Variants in DIAPH1 observed in about 807,000 individuals in gnomAD.
DIAPH1 encodes protein diaphanous homolog 1.
DIAPH1 carries 46 observed loss-of-function variants against 140.7 expected under a neutral mutation model. The ratio of observed to expected loss-of-function variants is 0.33; its 90% CI spans 0.26 to 0.42. The LOEUF (loss-of-function observed/expected upper bound fraction) is 0.42. Among genes scored for constraint, DIAPH1 ranks in the 10% least tolerant of loss-of-function variants. The pLI, the probability that DIAPH1 is intolerant of heterozygous loss-of-function variation, is 1.00. For synonymous variants in DIAPH1, 565 were observed against 551.6 expected (o/e 1.02, Z -0.34); for missense variants, 1,310 against 1,558.7 (o/e 0.84, Z 2.69).
chr5:141,543,593 A>G (rs1395655204), intron 18 of DIAPH1, among the ~76,000 whole-genome samples: 2 of 152,238 alleles, frequency 1.3e-5, no homozygotes, highest in Non-Finnish European at 2.9e-5. Flanking sequence ...TCAACATTAT[A>G]AAACTGGCTT....
chr5:141,547,550 G>A (rs1479767029), intron 18 of DIAPH1, among the ~76,000 whole-genome samples: 1 of 152,062 alleles, frequency 6.6e-6, no homozygotes, highest in East Asian at 1.9e-4. Context: ...AAGCTCAACA[G>A]ATGGGTTTAA....
chr5:141,538,972 A>G (rs1432034231), intron 18 of DIAPH1, among the ~76,000 whole-genome samples: 3 of 152,096 alleles, frequency 2.0e-5, no homozygotes, highest in Non-Finnish European at 4.4e-5. Flanking sequence ...GGGTAATACT[A>G]GCCTCATAAA....
At chr5:141,602,945 C>A (rs1158296990) in intron 1 of DIAPH1, among the ~76,000 whole-genome samples, 6 of 152,106 alleles carry the variant, frequency 3.9e-5, no homozygotes, top group Non-Finnish European at 8.8e-5. Flanking sequence ...GCAGCCTACA[C>A]AGGCGTTGTG....
chr5:141,540,438 C>T lies in DIAPH1; in HGVS notation c.2483-6005G>A, dbSNP rs528792764. On this transcript the variant is annotated intron_variant, in intron 18 of 27. Coordinates refer to ENST00000389054, the MANE Select transcript of DIAPH1 (RefSeq NM_005219.5). Reference sequence around the variant, plus strand: ...GCTGGGACTACAGGCGCCTGCCACACGCCCAGCTAATTTTTATAGTTTTAG... The same window carrying T: ...GCTGGGACTACAGGCGCCTGCCACATGCCCAGCTAATTTTTATAGTTTTAG... 2.3e-3 allele frequency among the ~76,000 whole-genome samples: 353 copies of T among 152,120 alleles called. 1 individual carries two copies. The highest frequency in any genetic ancestry group is 4.1e-3 in the Non-Finnish European group (281 of 67,996).
chr5:141,614,801 C>T (rs560015258), intron 1 of DIAPH1, among the ~76,000 whole-genome samples: 7 of 128,548 alleles, frequency 5.4e-5, no homozygotes, highest in South Asian at 2.6e-4. Context: ...ATAATCCTTG[C>T]GTTCATCATC....
intron 18 of DIAPH1, among the ~76,000 whole-genome samples, chr5:141,567,266 A>C (rs2099894518): frequency 1.3e-5 from 2 of 152,200 alleles, no homozygotes; most frequent in Admixed American, 6.5e-5. Context: ...GGGGCAGTTT[A>C]GGTTCCTTTT....
At position 141,515,893 on chromosome 5, in the gene DIAPH1, G is replaced by A. The variant is rs567352922; in HGVS notation, c.*958C>T. On this transcript the variant is annotated 3_prime_UTR_variant, in exon 28 of 28. Coordinates refer to ENST00000389054, the MANE Select transcript of DIAPH1 (RefSeq NM_005219.5). ...TTCTTACATTATGGAGGGGAAAGGG[G>A]GAAGGAACAGTTTTCTTTAAAAAAA... 2 of 152,460 alleles carry A rather than the reference G, an allele frequency of 1.3e-5. No individual in the cohort carries two copies. The highest frequency in any genetic ancestry group is 1.3e-4 in the Admixed American group (2 of 15,288). 9.4% of individuals were successfully genotyped at this position (152,460 alleles called of 1,614,324 possible).
chr5:141,518,529 CTTTTT>C (rs35159859), intron 27 of DIAPH1: 12 of 138,358 alleles, frequency 8.7e-5, no homozygotes, highest in Admixed American at 2.1e-4. Context: ...GATAGCCCGT[CTTTTT>C]TTTTTTTTTT....
chr5:141,581,285 C>T (rs2099896721), intron 7 of DIAPH1, among the ~76,000 whole-genome samples: 1 of 152,152 alleles, frequency 6.6e-6, no homozygotes, highest in Admixed American at 6.5e-5. Context: ...TTACCATATA[C>T]AGCTTCAGAA....
At chr5:141,576,985 T>G in intron 12 of DIAPH1, 114 bp from the exon 13 acceptor site, 1 of 733,466 alleles carries the variant, frequency 1.4e-6, no homozygotes, top group South Asian at 1.5e-5. Context: ...GGAAAAACTT[T>G]TGTAAAGTTA....
Position 141,533,627 on chromosome 5 carries a change from A to G in DIAPH1, c.2581+708T>C, listed in dbSNP as rs909253406. ...ATTGTGAGGCTGAGGTGGGCAGATC[A>G]CTTGAGGCCAGGAGCTTAAGACCAG... On this transcript the variant is annotated intron_variant, in intron 19 of 27. Transcript: ENST00000389054. Among the ~76,000 whole-genome samples the G allele has an allele frequency of 3.3e-5, 5 of 152,304 alleles. No homozygotes were observed. In the South Asian group the frequency reaches 1.0e-3, roughly 32 times the overall value.
At chr5:141,531,639 C>T (rs1352459254) in intron 19 of DIAPH1, among the ~76,000 whole-genome samples, 1 of 152,128 alleles carries the variant, frequency 6.6e-6, no homozygotes, top group African/African-American at 2.4e-5. Flanking sequence ...AGGCGTGCTC[C>T]ACCATGCCCA....
Position 141,578,607 on chromosome 5 carries a change from T to C in DIAPH1, c.952A>G (p.Ile318Val), listed in dbSNP as rs776485917. ...TCCGCTGGTGTGATGAGAGCATTGA[T>C]CAGCTGTAGGCATCCAACCTAAAAT... ...IALKVGCLQLINALITPAEEL... is the reference protein window; with the variant it reads ...IALKVGCLQLVNALITPAEEL... Residue 318 changes from isoleucine (I) to valine (V), a missense_variant, in exon 10 of 28, where the codon ATC becomes GTC. Coordinates refer to ENST00000389054, the MANE Select transcript of DIAPH1 (RefSeq NM_005219.5). 1 of 1,613,168 alleles carries C rather than the reference T, an allele frequency of 6.2e-7. No individual in the cohort carries two copies. Among genetic ancestry groups the C allele is most frequent in the African/African-American group, 1.3e-5 (1 of 74,908 alleles).
intron 18 of DIAPH1, among the ~76,000 whole-genome samples, chr5:141,548,904 G>A (rs945405121): frequency 5.3e-5 from 8 of 152,134 alleles, no homozygotes; most frequent in Non-Finnish European, 8.8e-5. Context: ...AGTCAAGTAT[G>A]TATATTGTAA....
rs200242814 is a variant in DIAPH1, at chr5:141,592,487, T to TAACAAC, written c.118-4243_118-4238dup. Among the ~76,000 whole-genome samples, 417 of 144,104 alleles carry TAACAAC rather than the reference T, an allele frequency of 2.9e-3. 1 individual carries two copies. Among genetic ancestry groups the TAACAAC allele is most frequent in the African/African-American group, 7.9e-3 (304 of 38,612 alleles). 94.5% of individuals were successfully genotyped at this position (144,104 alleles called of 152,430 possible). The stretch of plus-strand genomic sequence containing the variant: ...AATAAGTTCCTAGATCATGACAAGT[T>TAACAAC]AACAACAACAACAACAACAACAACA... On this transcript the variant is annotated intron_variant, in intron 1 of 27. Transcript: ENST00000389054.
intron 16 of DIAPH1, 65 bp downstream of exon 16, chr5:141,573,427 T>TC: frequency 6.7e-7 from 1 of 1,485,278 alleles, no homozygotes; most frequent in South Asian, 1.2e-5. Flanking sequence ...AGAGCGAAAC[T>TC]CCGTCTCAAA....
intron 18 of DIAPH1, chr5:141,563,262 GC>G (rs1011283541): frequency 6.6e-6 from 1 of 152,164 alleles, no homozygotes; most frequent in Admixed American, 6.5e-5. Flanking sequence ...CAAGAAAAGT[GC>G]CTCTGAAACA....
intron 4 of DIAPH1, 92 bp from the exon 5 acceptor site, chr5:141,583,707 T>C: frequency 6.5e-7 from 1 of 1,539,570 alleles, no homozygotes; most frequent in South Asian, 1.1e-5. Flanking sequence ...ACTTTATTTT[T>C]ATTTTTTATT....
chr5:141,556,029 T>C (rs2099892522), intron 18 of DIAPH1, among the ~76,000 whole-genome samples: 1 of 152,160 alleles, frequency 6.6e-6, no homozygotes, highest in Admixed American at 6.5e-5. Context: ...CTGCTTGCTG[T>C]GGCTGCTGAA....
Sources: gnomAD v4.1 joint callset for allele counts (sites outside exome capture counted in the v4.1 genomes callset) on GRCh38, gnomAD v4.1.1 for gene constraint, MANE v1.5 for transcripts, NCBI Gene and HGNC (gene_info 2026-07-23, HGNC 2026-07-21) for gene names.